The following STX8 variants were observed in gnomAD, a reference collection of about 807,000 sequenced individuals.
STX8 encodes syntaxin 8, also known as syntaxin-8.
A neutral mutation model predicts 37.5 loss-of-function variants in STX8; 23 were observed. The observed-to-expected ratio is 0.61, with a 90% confidence interval of 0.44 to 0.87. The LOEUF (loss-of-function observed/expected upper bound fraction) is 0.87. Ranked by LOEUF, STX8 falls within the 40% of genes least tolerant of loss-of-function variation. The probability of loss-of-function intolerance (pLI) is 0.00; values close to 1 mark genes in which losing one functional copy is unlikely to be tolerated. For missense variants in STX8, 313 were observed against 284.7 expected (o/e 1.10, Z -0.71); for synonymous variants, 115 against 99.1 (o/e 1.16, Z -0.95).
chr17:9,567,752 T>C (rs915709847), intron 2 of STX8, among the ~76,000 whole-genome samples: 2 of 152,144 alleles, frequency 1.3e-5, no homozygotes, highest in Admixed American at 1.3e-4. Flanking sequence ...AGTGGCACGA[T>C]CTTAGCTCAC....
intron 6 of STX8, among the ~76,000 whole-genome samples, chr17:9,410,362 T>C (rs1912939566): frequency 6.6e-6 from 1 of 152,244 alleles, no homozygotes; most frequent in South Asian, 2.1e-4. Flanking sequence ...AATTGTACGT[T>C]TCCTTCCTTA....
chr17:9,413,177 G>A (rs906068160), intron 6 of STX8, among the ~76,000 whole-genome samples: 3 of 152,138 alleles, frequency 2.0e-5, no homozygotes, highest in East Asian at 3.9e-4. Context: ...GTGGAAGACC[G>A]GCCAGGAGCA....
chr17:9,483,749 C>T lies in STX8; in HGVS notation c.541+8080G>A, dbSNP rs552036833. 3.3e-5 allele frequency among the ~76,000 whole-genome samples: 5 copies of T among 152,222 alleles called. No homozygotes were observed. In the East Asian group the frequency reaches 5.8e-4, roughly 18 times the overall value. ...CTCCTCAATTCCAGGACTGACTCTACGAATACAATTGGTTTTCCTTATCAC... is the reference window on the plus strand; with the variant it reads ...CTCCTCAATTCCAGGACTGACTCTATGAATACAATTGGTTTTCCTTATCAC... On this transcript the variant is annotated intron_variant, in intron 6 of 7. Transcript: ENST00000306357.
Position 9,491,853 on chromosome 17 carries a change from C to CA in STX8, c.516dup (p.Gly173TrpfsTer3). Reference sequence around the variant, plus strand: ...CCATTTTGTTCATCCAATTCATTCCCAATTTCCTGCCCCATTTGTTTTTGG... The same window carrying CA: ...CCATTTTGTTCATCCAATTCATTCCCAAATTTCCTGCCCCATTTGTTTTTGG... On this transcript the variant is annotated frameshift_variant, in exon 6 of 8. Coordinates refer to ENST00000306357, the MANE Select transcript of STX8 (RefSeq NM_004853.3). LOFTEE classifies it high-confidence loss of function. 6.2e-7 allele frequency: 1 copy of CA among 1,613,936 alleles called. No homozygotes were observed. Among genetic ancestry groups the CA allele is most frequent in the Non-Finnish European group, 8.5e-7 (1 of 1,179,952 alleles).
At chr17:9,528,794 T>G (rs1456479314) in intron 4 of STX8, among the ~76,000 whole-genome samples, 1 of 151,788 alleles carries the variant, frequency 6.6e-6, no homozygotes, top group Non-Finnish European at 1.5e-5. Context: ...AAAGCATCCC[T>G]CTTCGTTAAA....
intron 3 of STX8, among the ~76,000 whole-genome samples, chr17:9,546,399 A>AC (rs397965004): frequency 1.3e-5 from 2 of 150,752 alleles, no homozygotes; most frequent in East Asian, 1.9e-4. Flanking sequence ...AAAAAAAAAA[A>AC]CCAAACAACC....
chr17:9,455,152 T>C (rs758465470), intron 6 of STX8, among the ~76,000 whole-genome samples: 1 of 151,648 alleles, frequency 6.6e-6, no homozygotes, highest in Non-Finnish European at 1.5e-5. Flanking sequence ...CAGTAAGCCA[T>C]GATGACACCA....
At chr17:9,335,540 A>G (rs749425691) in intron 7 of STX8, among the ~76,000 whole-genome samples, 2 of 152,132 alleles carry the variant, frequency 1.3e-5, no homozygotes, top group Non-Finnish European at 2.9e-5. Context: ...ACATGTAGAC[A>G]CGCTATATGC....
At chr17:9,334,017 G>A (rs1424047807) in intron 7 of STX8, among the ~76,000 whole-genome samples, 1 of 152,060 alleles carries the variant, frequency 6.6e-6, no homozygotes, top group Non-Finnish European at 1.5e-5. Context: ...TGGGGATCAA[G>A]GTTTTAAAAA....
At chr17:9,305,844 A>G (rs1908965666) in intron 7 of STX8, among the ~76,000 whole-genome samples, 1 of 145,632 alleles carries the variant, frequency 6.9e-6, no homozygotes, top group African/African-American at 2.6e-5. Context: ...TCCCAGGTTC[A>G]AGCGATTCTC....
chr17:9,288,678 A>T (rs1223101740), intron 7 of STX8, among the ~76,000 whole-genome samples: 6 of 145,968 alleles, frequency 4.1e-5, no homozygotes, highest in East Asian at 1.9e-4. Context: ...AATAAATAAA[A>T]TAAATAAATA....
chr17:9,296,500 C>CA (rs55811417), intron 7 of STX8, among the ~76,000 whole-genome samples: 2,905 of 123,162 alleles, frequency 0.024, 110 homozygotes, highest in African/African-American at 0.065. Context: ...CTCCATCTCT[C>CA]AAAAAAAAAA....
intron 7 of STX8, among the ~76,000 whole-genome samples, chr17:9,360,728 G>A (rs1298181812): frequency 6.6e-6 from 1 of 151,340 alleles, no homozygotes; most frequent in African/African-American, 2.4e-5. Context: ...CCGTTTTAAG[G>A]GCCAAAAGAG....
At chr17:9,333,463 C>A (rs1910026502) in intron 7 of STX8, among the ~76,000 whole-genome samples, 1 of 152,174 alleles carries the variant, frequency 6.6e-6, no homozygotes, top group South Asian at 2.1e-4. Context: ...TCTCGGCTCA[C>A]TGCAAGCTCC....
At chr17:9,349,117 G>A (rs987610824) in intron 7 of STX8, among the ~76,000 whole-genome samples, 7 of 151,678 alleles carry the variant, frequency 4.6e-5, no homozygotes, top group African/African-American at 1.2e-4. Context: ...TCAGCCTCCC[G>A]AGTAGCTGGG....
At chr17:9,402,499 T>C (rs996402326) in intron 6 of STX8, among the ~76,000 whole-genome samples, 2 of 152,152 alleles carry the variant, frequency 1.3e-5, no homozygotes, top group East Asian at 1.9e-4. Context: ...TTTCCAAGCA[T>C]AGAGAAGAAA....
intron 7 of STX8, among the ~76,000 whole-genome samples, chr17:9,359,669 G>A (rs1429585287): frequency 4.6e-5 from 7 of 151,638 alleles, no homozygotes; most frequent in South Asian, 2.1e-4. Flanking sequence ...CACCATGCCC[G>A]GCTAATATTT....
chr17:9,271,317 G>A (rs1017647333), intron 7 of STX8, among the ~76,000 whole-genome samples: 4 of 152,140 alleles, frequency 2.6e-5, no homozygotes, highest in Non-Finnish European at 5.9e-5. Flanking sequence ...AGCTGGGCGT[G>A]ATGGCATGTG....
chr17:9,470,351 G>A (rs80014227), intron 6 of STX8, among the ~76,000 whole-genome samples: 2,746 of 152,228 alleles, frequency 0.018, 55 homozygotes, highest in Non-Finnish European at 0.026. Flanking sequence ...TCAAGCACTT[G>A]GTTCTAATCA....
Sources: allele counts gnomAD v4.1 joint callset (sites outside exome capture counted in the v4.1 genomes callset), GRCh38; gene constraint gnomAD v4.1.1; transcripts MANE v1.5; gene names NCBI Gene and HGNC (gene_info 2026-07-23, HGNC 2026-07-21).